PRKACA: variants seen among roughly 807,000 people sequenced by gnomAD.
The protein encoded by PRKACA is protein kinase cAMP-activated catalytic subunit alpha.
A neutral mutation model predicts 45.8 loss-of-function variants in PRKACA; 9 were observed. That is an observed-to-expected ratio of 0.20 (90% CI 0.12 to 0.34). The LOEUF is 0.34. Ranked by LOEUF, PRKACA falls within the 10% of genes least tolerant of loss-of-function variation. PRKACA has a pLI of 1.00. For synonymous variants in PRKACA, 160 were observed against 178.6 expected (o/e 0.90, Z 0.83); for missense variants, 238 against 458.6 (o/e 0.52, Z 4.39).
In PRKACA at chr19:14,092,831, TGGGCTGGGAGGGCTGAG is replaced by T. The variant is rs1977121284; in HGVS notation, c.*264_*280del. 2 of 227,066 alleles carry T rather than the reference TGGGCTGGGAGGGCTGAG, an allele frequency of 8.8e-6. No individual in the cohort carries two copies. Among genetic ancestry groups the T allele is most frequent in the Admixed American group, 7.5e-5 (1 of 13,416 alleles). The allele number at this position is 227,066 out of a possible 1,614,324, so 14.1% of individuals were successfully genotyped here. On this transcript the variant is annotated 3_prime_UTR_variant, in exon 10 of 10. Transcript: ENST00000308677. Reference sequence around the variant, plus strand: ...GAAACTCGTTTAAAACAGGCAGAAGTGGGCTGGGAGGGCTGAGGGGCTGGGGGGCTGTGGGGAAAGAG... The same window carrying T: ...GAAACTCGTTTAAAACAGGCAGAAGTGGGCTGGGGGGCTGTGGGGAAAGAG...
chr19:14,102,831 G>C lies in PRKACA; in HGVS notation c.321C>G (p.Leu107=), dbSNP rs148811989. Residue 107 remains leucine, a synonymous_variant, in exon 4 of 10, where the codon CTC becomes CTG. Transcript: ENST00000308677. ...QAVNFPFLVK[L]EFSFKDNSNL... ...GGGACCCCACCTTGAAGGAGAACTC[G>C]AGTTTGACGAGGAACGGAAAGTTGA... 156 of 1,614,040 alleles carry C rather than the reference G, an allele frequency of 9.7e-5. No homozygotes were observed. The highest frequency in any genetic ancestry group is 1.2e-4 in the Non-Finnish European group (146 of 1,179,886).
chr19:14,111,233 A>G (rs1349262461), intron 1 of PRKACA, among the ~76,000 whole-genome samples: 1 of 152,162 alleles, frequency 6.6e-6, no homozygotes, highest in Non-Finnish European at 1.5e-5. Context: ...CCCTGTCTCT[A>G]CTAAAAATAC....
Position 14,093,070 on chromosome 19 carries a change from GA to G in PRKACA, c.*41del. 3.2e-6 allele frequency: 1 copy of G among 309,500 alleles called. No individual in the cohort carries two copies. The highest frequency in any genetic ancestry group is 4.2e-6 in the Non-Finnish European group (1 of 238,856). 19.2% of individuals were successfully genotyped at this position (309,500 alleles called of 1,614,324 possible). The stretch of plus-strand genomic sequence containing the variant: ...CTCCCACCCCCCCGACCAAAAAAAA[GA>G]AAAAAGAAAAAAGAAAACCCATGGG... On this transcript the variant is annotated 3_prime_UTR_variant, in exon 10 of 10. Coordinates refer to ENST00000308677, the MANE Select transcript of PRKACA (RefSeq NM_002730.4).
chr19:14,093,041 A>AAC lies in PRKACA; in HGVS notation c.*69_*70dup. On this transcript the variant is annotated 3_prime_UTR_variant, in exon 10 of 10. Transcript: ENST00000308677. ...CTGGGGCCCTCTGGCTGTTCAATCCAACCCTCCCACCCCCCCGACCAAAAA... is the reference window on the plus strand; with the variant it reads ...CTGGGGCCCTCTGGCTGTTCAATCCAACACCCTCCCACCCCCCCGACCAAAAA... 4.0e-6 allele frequency: 2 copies of AAC among 500,030 alleles called. No individual in the cohort carries two copies. Among genetic ancestry groups the AAC allele is most frequent in the South Asian group, 2.5e-5 (1 of 39,956 alleles). 31.0% of individuals were successfully genotyped at this position (500,030 alleles called of 1,614,324 possible).
intron 1 of PRKACA, 88 bp downstream of exon 1, chr19:14,117,414 C>T: frequency 8.3e-7 from 1 of 1,198,840 alleles, no homozygotes; most frequent in Non-Finnish European, 1.0e-6. Context: ...GGATGAGGGG[C>T]CCCGTAGGGG....
chr19:14,114,146 T>C (rs761410000), intron 1 of PRKACA: 2 of 1,611,686 alleles, frequency 1.2e-6, no homozygotes, highest in Admixed American at 1.7e-5. Flanking sequence ...TCGCTGGAGT[T>C]GGAAGCCATC....
chr19:14,114,121 G>A (rs1479028098), intron 1 of PRKACA: 1 of 1,609,926 alleles, frequency 6.2e-7, no homozygotes, highest in Non-Finnish European at 8.5e-7. Flanking sequence ...ATAGTAACAG[G>A]ACTCAGCCTC....
chr19:14,099,589 CTT>C (rs1201287283), intron 5 of PRKACA, among the ~76,000 whole-genome samples: 74 of 132,624 alleles, frequency 5.6e-4, no homozygotes, highest in Admixed American at 6.9e-4. Flanking sequence ...CCACACCTGA[CTT>C]TTTTTTTTTT....
At chr19:14,096,040 T>G (rs1206389331) in intron 8 of PRKACA, among the ~76,000 whole-genome samples, 2 of 144,538 alleles carry the variant, frequency 1.4e-5, no homozygotes, top group East Asian at 2.0e-4. Context: ...TAGTTTTTTT[T>G]TTTTTTTTTT....
At chr19:14,110,544 G>A (rs1015244181) in intron 1 of PRKACA, among the ~76,000 whole-genome samples, 1 of 151,792 alleles carries the variant, frequency 6.6e-6, no homozygotes, top group South Asian at 2.1e-4. Flanking sequence ...TACACTGCAG[G>A]CTGGGTGACA....
Position 14,097,581 on chromosome 19 carries a change from T to C in PRKACA, c.640A>G (p.Lys214Glu), listed in dbSNP as rs1474389576. 6.2e-7 allele frequency: 1 copy of C among 1,613,424 alleles called. No individual in the cohort carries two copies. Among genetic ancestry groups the C allele is most frequent in the Non-Finnish European group, 8.5e-7 (1 of 1,179,650 alleles). Reference protein sequence around the residue: ...EYLAPEIILSKGYNKAVDWWA... With the variant: ...EYLAPEIILSEGYNKAVDWWA... Reference sequence around the variant, plus strand: ...GGGAGGGCTGGGGAGGCTCCTACTTTGCTCAGGATAATCTCAGGGGCCAGG... The same window carrying C: ...GGGAGGGCTGGGGAGGCTCCTACTTCGCTCAGGATAATCTCAGGGGCCAGG... Residue 214 changes from lysine to glutamate, a missense_variant and splice_region_variant, in exon 7 of 10, where the codon AAA becomes GAA. Physicochemically the swap from Lys to Glu is moderately conservative, Grantham distance 56 (BLOSUM62 1). This residue lies in a region of PRKACA where 94 missense variants were observed against 240.9 expected (regional missense o/e 0.39). Coordinates refer to ENST00000308677, the MANE Select transcript of PRKACA (RefSeq NM_002730.4). This position sits in a 1 kb window ranked among gnomAD's most constrained non-coding sequence, Gnocchi z 5.4.
At chr19:14,107,007 C>T (rs554126228) in intron 2 of PRKACA, 119 bp from the exon 3 acceptor site, 12 of 1,329,720 alleles carry the variant, frequency 9.0e-6, no homozygotes, top group South Asian at 4.1e-5. Flanking sequence ...GTGGGGTCAG[C>T]GGGGTGAGGA....
intron 1 of PRKACA, among the ~76,000 whole-genome samples, chr19:14,108,556 T>C (rs759685644): frequency 6.6e-6 from 1 of 151,488 alleles, no homozygotes. Context: ...TACAGACGCC[T>C]GCCACCACGC....
At chr19:14,106,922 G>A (rs768652237) in intron 2 of PRKACA, 34 bp from the exon 3 acceptor site, 26 of 1,611,716 alleles carry the variant, frequency 1.6e-5, no homozygotes, top group Middle Eastern at 1.8e-4. Flanking sequence ...CTCAGGGCAC[G>A]CCCTCCCCGC....
At position 14,093,024 on chromosome 19, in the gene PRKACA, C is replaced by T. The variant is rs41296316; in HGVS notation, c.*88G>A. 4.8e-4 allele frequency: 658 copies of T among 1,371,904 alleles called. 5 individuals are homozygous for T. The African/African-American group carries it at 9.0e-3, about 19-fold the overall frequency. 85.0% of individuals were successfully genotyped at this position (1,371,904 alleles called of 1,614,324 possible). On this transcript the variant is annotated 3_prime_UTR_variant, in exon 10 of 10. Coordinates refer to ENST00000308677, the MANE Select transcript of PRKACA (RefSeq NM_002730.4). ...ATTAGATGCAAGGAACTCTGGGGCC[C>T]TCTGGCTGTTCAATCCAACCCTCCC... is the stretch of plus-strand genomic sequence containing the variant.
chr19:14,112,590 C>G (rs1437353648), intron 1 of PRKACA: 2 of 152,272 alleles, frequency 1.3e-5, no homozygotes, highest in Non-Finnish European at 2.9e-5. Flanking sequence ...GGAGGAGGAG[C>G]TGGTTGCCAC....
chr19:14,093,892 C>T (rs1977169392), intron 8 of PRKACA, 100 bp from the exon 9 acceptor site: 10 of 1,290,152 alleles, frequency 7.8e-6, no homozygotes, highest in Non-Finnish European at 1.0e-5. Context: ...GGGTGTGGGC[C>T]TCCAAAGCAG....
At chr19:14,107,578 T>C in intron 1 of PRKACA, 169 bp from the exon 2 acceptor site, 1 of 1,310,314 alleles carries the variant, frequency 7.6e-7, no homozygotes, top group East Asian at 2.4e-5. Context: ...TGGGCCTCCC[T>C]TGCTACAGAG....
At chr19:14,107,989 G>C in intron 1 of PRKACA, 1 of 985,984 alleles carries the variant, frequency 1.0e-6, no homozygotes, top group Non-Finnish European at 1.2e-6. Context: ...GAACATCACC[G>C]CCTGGCTAAT....
Sources: gnomAD v4.1 joint callset for allele counts (sites outside exome capture counted in the v4.1 genomes callset) on GRCh38, gnomAD v4.1.1 for gene constraint, gnomAD v4.1.1 regional missense constraint, Gnocchi (gnomAD v3.1) non-coding constraint, MANE v1.5 for transcripts, NCBI Gene and HGNC (gene_info 2026-07-23, HGNC 2026-07-21) for gene names.